PIP4P2: variants seen among roughly 807,000 people sequenced by gnomAD.
PIP4P2 encodes the protein phosphatidylinositol-4,5-bisphosphate 4-phosphatase 2.
In PIP4P2, 19 loss-of-function variants were observed where a neutral mutation model predicts 33.3. That is an observed-to-expected ratio of 0.57 (90% CI 0.40 to 0.84). The LOEUF (loss-of-function observed/expected upper bound fraction) is 0.84. Among genes scored for constraint, PIP4P2 ranks in the 40% least tolerant of loss-of-function variants. PIP4P2 has a pLI of 0.00. For missense variants in PIP4P2, 270 were observed against 324.7 expected (o/e 0.83, Z 1.29); for synonymous variants, 110 against 111.9 (o/e 0.98, Z 0.11).
At chr8:91,001,332 T>C (rs571154224) in intron 5 of PIP4P2, among the ~76,000 whole-genome samples, 1 of 152,190 alleles carries the variant, frequency 6.6e-6, no homozygotes, top group South Asian at 2.1e-4. Context: ...ACAGCTAAAA[T>C]AGAGAACAGT....
intron 1 of PIP4P2, among the ~76,000 whole-genome samples, chr8:91,028,102 A>T (rs986222911): frequency 6.6e-6 from 1 of 152,190 alleles, no homozygotes; most frequent in Non-Finnish European, 1.5e-5. Flanking sequence ...TTGCAAGAAG[A>T]AGTAGTGGAT....
chr8:90,995,959 G>T (rs528842069), intron 6 of PIP4P2, 139 bp from the exon 7 acceptor site: 75 of 932,748 alleles, frequency 8.0e-5, no homozygotes, highest in Non-Finnish European at 1.0e-4. Context: ...AAGAGTAGGT[G>T]TATCTGTTGA....
chr8:91,025,797 T>A (rs1812075075), intron 1 of PIP4P2, among the ~76,000 whole-genome samples: 1 of 152,232 alleles, frequency 6.6e-6, no homozygotes, highest in Non-Finnish European at 1.5e-5. Context: ...CTAGTATCTT[T>A]GTGCAGAATG....
chr8:91,032,750 C>T (rs1436187499), intron 1 of PIP4P2, among the ~76,000 whole-genome samples: 2 of 145,214 alleles, frequency 1.4e-5, no homozygotes, highest in African/African-American at 5.1e-5. Context: ...CACTGCACTC[C>T]AGCCTGGGCA....
chr8:90,996,872 A>C, intron 5 of PIP4P2, 128 bp from the exon 6 acceptor site: 1 of 719,812 alleles, frequency 1.4e-6, no homozygotes, highest in South Asian at 1.9e-5. Flanking sequence ...TCAACTTTAC[A>C]GACAAGAACA....
chr8:91,024,348 G>A, intron 1 of PIP4P2: 1 of 439,672 alleles, frequency 2.3e-6, no homozygotes, highest in Non-Finnish European at 4.6e-6. Context: ...TAATTCTGGA[G>A]ATTCCACAGT....
chr8:90,997,188 A>G (rs1462304653), intron 5 of PIP4P2, among the ~76,000 whole-genome samples: 1 of 152,122 alleles, frequency 6.6e-6, no homozygotes, highest in Non-Finnish European at 1.5e-5. Flanking sequence ...AGAAAAAATT[A>G]CCTATAATCC....
intron 4 of PIP4P2, among the ~76,000 whole-genome samples, chr8:91,016,363 C>T (rs1265955319): frequency 6.6e-6 from 1 of 151,722 alleles, no homozygotes; most frequent in Non-Finnish European, 1.5e-5. Context: ...ATGATGAGTT[C>T]AAAAAGACCC....
At chr8:90,998,518 G>A (rs1227110558) in intron 5 of PIP4P2, among the ~76,000 whole-genome samples, 1 of 151,818 alleles carries the variant, frequency 6.6e-6, no homozygotes, top group Non-Finnish European at 1.5e-5. Context: ...TACATATGTG[G>A]TATCTACATG....
intron 3 of PIP4P2, among the ~76,000 whole-genome samples, chr8:91,018,821 G>A (rs1055296161): frequency 2.0e-5 from 3 of 151,962 alleles, no homozygotes; most frequent in African/African-American, 7.3e-5. Flanking sequence ...TCCTTATCTA[G>A]GAAGCCAACT....
At chr8:91,015,078 G>A (rs781375533) in intron 4 of PIP4P2, among the ~76,000 whole-genome samples, 2 of 152,064 alleles carry the variant, frequency 1.3e-5, no homozygotes, top group African/African-American at 2.4e-5. Flanking sequence ...ACAGAAGACG[G>A]CACGAATAAA....
chr8:90,994,403 T>C lies in PIP4P2; in HGVS notation c.*1274A>G, dbSNP rs1270524791. 6.6e-6 allele frequency: 1 copy of C among 152,166 alleles called. No homozygotes were observed. The highest frequency in any genetic ancestry group is 1.5e-5 in the Non-Finnish European group (1 of 67,956). The allele number at this position is 152,166 out of a possible 1,614,324, so 9.4% of individuals were successfully genotyped here. Reference sequence around the variant, plus strand: ...TTCAAATTCTGTGATGAGTACGTTTTTATACTAATCAGTATCATAAATAAT... The same window carrying C: ...TTCAAATTCTGTGATGAGTACGTTTCTATACTAATCAGTATCATAAATAAT... On this transcript the variant is annotated 3_prime_UTR_variant, in exon 7 of 7. Coordinates refer to ENST00000285419, the MANE Select transcript of PIP4P2 (RefSeq NM_018710.3).
At chr8:91,020,356 A>T in intron 2 of PIP4P2, 93 bp from the exon 3 acceptor site, 1 of 1,092,854 alleles carries the variant, frequency 9.2e-7, no homozygotes, top group Non-Finnish European at 1.4e-6. Flanking sequence ...ATTCCATTAA[A>T]ACTAATGAAA....
chr8:91,006,873 G>A (rs940909934), intron 5 of PIP4P2, among the ~76,000 whole-genome samples: 1 of 152,194 alleles, frequency 6.6e-6, no homozygotes, highest in African/African-American at 2.4e-5. Context: ...GGAGGCTGAG[G>A]CAGGAGAATT....
intron 5 of PIP4P2, among the ~76,000 whole-genome samples, chr8:90,998,744 A>G (rs896193865): frequency 5.9e-5 from 9 of 152,068 alleles, no homozygotes; most frequent in Non-Finnish European, 1.3e-4. Flanking sequence ...CCTTCCTCAT[A>G]CCAAATTTAA....
chr8:91,009,733 T>C (rs114141666), intron 4 of PIP4P2, among the ~76,000 whole-genome samples: 157 of 152,074 alleles, frequency 1.0e-3, no homozygotes, highest in Middle Eastern at 6.8e-3. Context: ...CAATAGAAGA[T>C]ACCTTTTAGA....
chr8:90,998,810 T>C (rs181591572), intron 5 of PIP4P2, among the ~76,000 whole-genome samples: 16 of 152,012 alleles, frequency 1.1e-4, no homozygotes, highest in Admixed American at 9.2e-4. Context: ...TTTATAGTTA[T>C]ATAGGTTGCC....
chr8:91,021,408 A>G lies in PIP4P2; in HGVS notation c.107-4T>C, dbSNP rs746422467. On this transcript the variant is annotated splice_region_variant and splice_polypyrimidine_tract_variant and intron_variant, in intron 1 of 6. Transcript: ENST00000285419. ...GTATATGGAGGTGGGAGCTCCGCTG[A>G]AAAGATATTAGTCACTGAATCAGAG... The G allele has an allele frequency of 6.2e-7, 1 of 1,613,256 alleles. No individual in the cohort carries two copies. The highest frequency in any genetic ancestry group is 8.5e-7 in the Non-Finnish European group (1 of 1,179,520).
intron 4 of PIP4P2, among the ~76,000 whole-genome samples, chr8:91,010,595 T>C (rs892383003): frequency 6.6e-6 from 1 of 151,958 alleles, no homozygotes; most frequent in African/African-American, 2.4e-5. Flanking sequence ...TATCTGCAAG[T>C]ACTCACTTAA....
Sources: gnomAD v4.1 joint callset for allele counts (sites outside exome capture counted in the v4.1 genomes callset) on GRCh38, gnomAD v4.1.1 for gene constraint, MANE v1.5 for transcripts, NCBI Gene and HGNC (gene_info 2026-07-23, HGNC 2026-07-21) for gene names.